SLC24A2: variants seen among roughly 807,000 people sequenced by gnomAD.
SLC24A2 encodes sodium/potassium/calcium exchanger 2.
SLC24A2 carries 36 observed loss-of-function variants against 62.0 expected under a neutral mutation model. The observed-to-expected ratio is 0.58, with a 90% confidence interval of 0.44 to 0.77. SLC24A2 has a LOEUF of 0.77. Among genes scored for constraint, SLC24A2 ranks in the 30% least tolerant of loss-of-function variants. The pLI, the probability that SLC24A2 is intolerant of heterozygous loss-of-function variation, is 0.00. For missense variants in SLC24A2, 846 were observed against 817.9 expected (o/e 1.03, Z -0.42); for synonymous variants, 358 against 294.0 (o/e 1.22, Z -2.23).
the SLC24A2 span, among the ~76,000 whole-genome samples, chr9:20,173,410 A>G: frequency 6.6e-6 from 1 of 152,050 alleles, no homozygotes; most frequent in African/African-American, 2.4e-5. Context: ...TGTTGATGAT[A>G]TGATTATATA....
chr9:20,221,702 G>A, the SLC24A2 span, among the ~76,000 whole-genome samples: 3 of 151,926 alleles, frequency 2.0e-5, no homozygotes, highest in Admixed American at 6.6e-5. Flanking sequence ...AAAGAAAATG[G>A]AAGATGTTTA....
chr9:20,140,699 T>C, the SLC24A2 span, among the ~76,000 whole-genome samples: 1 of 152,140 alleles, frequency 6.6e-6, no homozygotes, highest in African/African-American at 2.4e-5. Context: ...AGCCATCCCA[T>C]GATAATGGTC....
At chr9:20,104,628 A>C in the SLC24A2 span, among the ~76,000 whole-genome samples, 6 of 152,256 alleles carry the variant, frequency 3.9e-5, no homozygotes, top group East Asian at 7.7e-4. Flanking sequence ...GAAATAAAAT[A>C]CTTTACAGAC....
rs192199270 is a variant in SLC24A2, at chr9:19,775,986, C to T, written c.930+9951G>A. 1.5e-3 allele frequency among the ~76,000 whole-genome samples: 232 copies of T among 152,288 alleles called. 1 individual carries two copies. The highest frequency in any genetic ancestry group is 5.2e-3 in the African/African-American group (218 of 41,572). On this transcript the variant is annotated intron_variant, in intron 2 of 10. Coordinates refer to ENST00000341998, the MANE Select transcript of SLC24A2 (RefSeq NM_020344.4). ...ATGAAATTATTTTAGAAAGTTGACA[C>T]CAGTATTTTTAATAGAATGAAAAAT... is the stretch of plus-strand genomic sequence containing the variant.
At chr9:19,975,800 G>C in the SLC24A2 span, among the ~76,000 whole-genome samples, 1 of 151,744 alleles carries the variant, frequency 6.6e-6, no homozygotes, top group African/African-American at 2.4e-5. Context: ...ACCCTGTATA[G>C]GTGGCCCTCC....
the SLC24A2 span, among the ~76,000 whole-genome samples, chr9:20,025,965 C>T: frequency 6.6e-6 from 1 of 152,286 alleles, no homozygotes; most frequent in Admixed American, 6.5e-5. Flanking sequence ...GTGGAAACAT[C>T]ACCATGATAG....
chr9:19,881,845 G>T, the SLC24A2 span, among the ~76,000 whole-genome samples: 2 of 152,122 alleles, frequency 1.3e-5, no homozygotes, highest in Admixed American at 6.5e-5. Context: ...GAAGTGGTTG[G>T]CAATTTTGGT....
the SLC24A2 span, among the ~76,000 whole-genome samples, chr9:19,856,168 G>T: frequency 6.6e-6 from 1 of 152,064 alleles, no homozygotes; most frequent in Non-Finnish European, 1.5e-5. Flanking sequence ...TGGTTATTCT[G>T]GTTGACAGCT....
At chr9:20,200,636 T>C in the SLC24A2 span, among the ~76,000 whole-genome samples, 4 of 152,312 alleles carry the variant, frequency 2.6e-5, no homozygotes, top group East Asian at 1.9e-4. Flanking sequence ...TGGGGACACA[T>C]TGCTAGCATC....
At chr9:19,957,413 C>A in the SLC24A2 span, 1 of 152,212 alleles carries the variant, frequency 6.6e-6, no homozygotes, top group Non-Finnish European at 1.5e-5. Context: ...AGATTGTGGT[C>A]TGTGGCAATC....
At chr9:19,972,768 T>C in the SLC24A2 span, among the ~76,000 whole-genome samples, 1 of 152,222 alleles carries the variant, frequency 6.6e-6, no homozygotes, top group African/African-American at 2.4e-5. Flanking sequence ...ATTTAAGAAA[T>C]ACAATTTGGG....
At chr9:19,664,755 T>G (rs1819200562) in intron 2 of SLC24A2, among the ~76,000 whole-genome samples, 1 of 152,016 alleles carries the variant, frequency 6.6e-6, no homozygotes, top group African/African-American at 2.4e-5. Flanking sequence ...GAAGGCCATA[T>G]GATGATAGAG....
chr9:19,647,048 CCACACACACACACACGCGCGCA>C (rs1386482450), intron 2 of SLC24A2, among the ~76,000 whole-genome samples: 1,904 of 122,054 alleles, frequency 0.016, 18 homozygotes, highest in Non-Finnish European at 0.02. Flanking sequence ...CTCTCTCTTT[CCACACACACACACACGCGCGCA>C]CACACACACA....
At chr9:19,756,211 C>T (rs1037660041) in intron 2 of SLC24A2, among the ~76,000 whole-genome samples, 10 of 152,256 alleles carry the variant, frequency 6.6e-5, no homozygotes, top group African/African-American at 2.4e-4. Flanking sequence ...GATTTTACCT[C>T]CAAATGCCCA....
chr9:20,243,745 TG>T, the SLC24A2 span, among the ~76,000 whole-genome samples: 12 of 152,110 alleles, frequency 7.9e-5, no homozygotes, highest in Non-Finnish European at 1.8e-4. Context: ...ATGTGGTCAA[TG>T]GGGGTGATGC....
chr9:19,542,676 T>G (rs1217478066), intron 8 of SLC24A2, among the ~76,000 whole-genome samples: 1 of 152,256 alleles, frequency 6.6e-6, no homozygotes, highest in African/African-American at 2.4e-5. Flanking sequence ...AGGACTTTTC[T>G]GCATCTGTTG....
chr9:19,797,676 G>A, the SLC24A2 span, among the ~76,000 whole-genome samples: 10 of 152,266 alleles, frequency 6.6e-5, no homozygotes, highest in East Asian at 1.3e-3. Flanking sequence ...TGAGAGCTGA[G>A]CTAAAAAAGA....
the SLC24A2 span, among the ~76,000 whole-genome samples, chr9:20,176,646 A>C: frequency 6.6e-6 from 1 of 152,112 alleles, no homozygotes; most frequent in Non-Finnish European, 1.5e-5. Flanking sequence ...TTTTATTTCC[A>C]GGAATTCAGC....
chr9:19,872,741 G>T, the SLC24A2 span, among the ~76,000 whole-genome samples: 6 of 152,172 alleles, frequency 3.9e-5, no homozygotes, highest in Non-Finnish European at 7.3e-5. Context: ...TGGCAGCTCT[G>T]TTGGAAACTT....
Sources: allele counts gnomAD v4.1 joint callset (sites outside exome capture counted in the v4.1 genomes callset), GRCh38; gene constraint gnomAD v4.1.1; transcripts MANE v1.5; gene names NCBI Gene and HGNC (gene_info 2026-07-23, HGNC 2026-07-21).